CNTN6: variants seen among roughly 807,000 people sequenced by gnomAD.
CNTN6 encodes the protein contactin-6.
In CNTN6, 137 loss-of-function variants were observed where a neutral mutation model predicts 122.8. That is an observed-to-expected ratio of 1.12 (90% CI 0.97 to 1.29). The LOEUF is 1.29. Ranked by LOEUF, CNTN6 falls within the 50% of genes most tolerant of loss-of-function variation. The probability of loss-of-function intolerance (pLI) is 0.00; values close to 1 mark genes in which losing one functional copy is unlikely to be tolerated. For missense variants in CNTN6, 1,634 were observed against 1,223.4 expected (o/e 1.34, Z -5.01); for synonymous variants, 570 against 426.0 (o/e 1.34, Z -4.16).
intron 11 of CNTN6, among the ~76,000 whole-genome samples, chr3:1,343,893 G>A (rs1390565916): frequency 6.6e-6 from 1 of 152,080 alleles, no homozygotes; most frequent in Non-Finnish European, 1.5e-5. Flanking sequence ...AGAGTCCATG[G>A]TCTTATAATC....
chr3:1,245,907 G>C (rs2094576756), intron 4 of CNTN6, among the ~76,000 whole-genome samples: 1 of 150,602 alleles, frequency 6.6e-6, no homozygotes, highest in Admixed American at 6.7e-5. Flanking sequence ...ATTTTTAGCT[G>C]ATGAGCTAAA....
intron 12 of CNTN6, among the ~76,000 whole-genome samples, chr3:1,371,885 T>C (rs931572828): frequency 6.6e-6 from 1 of 152,184 alleles, no homozygotes. Flanking sequence ...ATGGTGGTCA[T>C]AATCTTAGAA....
At chr3:1,107,334 T>C (rs1040723328) in intron 1 of CNTN6, among the ~76,000 whole-genome samples, 6 of 152,140 alleles carry the variant, frequency 3.9e-5, no homozygotes, top group Admixed American at 3.3e-4. Context: ...CAAAATATGA[T>C]TGTTCATTTG....
chr3:1,252,944 A>C, intron 4 of CNTN6, among the ~76,000 whole-genome samples: 1 of 152,194 alleles, frequency 6.6e-6, no homozygotes, highest in South Asian at 2.1e-4. Context: ...TCCCTATTGA[A>C]AGAAGGTATA....
At chr3:1,330,486 C>G (rs1279187715) in intron 11 of CNTN6, among the ~76,000 whole-genome samples, 1 of 151,026 alleles carries the variant, frequency 6.6e-6, no homozygotes, top group East Asian at 2.0e-4. Context: ...AGAAAACAAA[C>G]AAACAAAAAA....
At chr3:1,385,881 A>G (rs778764214) in intron 20 of CNTN6, 84 bp downstream of exon 20, 3 of 1,290,732 alleles carry the variant, frequency 2.3e-6, no homozygotes, top group Non-Finnish European at 3.1e-6. Flanking sequence ...TCATTCCCAC[A>G]CCTCATTTCT....
chr3:1,382,935 G>A lies in CNTN6; in HGVS notation c.2167-7G>A, dbSNP rs781192540. On this transcript the variant is annotated splice_polypyrimidine_tract_variant and splice_region_variant and intron_variant, in intron 17 of 22. Transcript: ENST00000446702. ...AATACTCAGTGATTGATCACATTCT[G>A]CCCAAGTCAATTCCAGAAGAACTGC... 1 of 1,604,146 alleles carries A rather than the reference G, an allele frequency of 6.2e-7. No individual in the cohort carries two copies. The highest frequency in any genetic ancestry group is 1.1e-5 in the South Asian group (1 of 90,816).
Position 1,383,372 on chromosome 3 carries a change from C to T in CNTN6, c.2481C>T (p.Ala827=), listed in dbSNP as rs971469464. Residue 827 remains alanine, a synonymous_variant, in exon 19 of 23, where the codon GCC becomes GCT. Coordinates refer to ENST00000446702, the MANE Select transcript of CNTN6 (RefSeq NM_001289080.2). ...SEMEVSWNAI[A]WNRNTGRVLG... ...TGGAGGTTTCATGGAATGCTATTGC[C>T]TGGAATAGAAACACTGGAAGAGTGC... 3 of 1,613,878 alleles carry T rather than the reference C, an allele frequency of 1.9e-6. No individual in the cohort carries two copies. The highest frequency in any genetic ancestry group is 2.5e-6 in the Non-Finnish European group (3 of 1,179,814).
chr3:1,327,282 C>G (rs1701668384), intron 9 of CNTN6, among the ~76,000 whole-genome samples, 175 bp from the exon 10 acceptor site: 1 of 151,670 alleles, frequency 6.6e-6, no homozygotes, highest in Admixed American at 6.6e-5. Context: ...TAAAATTATC[C>G]TAAACATATT....
intron 1 of CNTN6, among the ~76,000 whole-genome samples, chr3:1,125,849 A>C (rs2092140318): frequency 6.6e-6 from 1 of 151,830 alleles, no homozygotes; most frequent in Non-Finnish European, 1.5e-5. Context: ...TTAGGAGAAA[A>C]GATTTGAGAC....
intron 12 of CNTN6, among the ~76,000 whole-genome samples, chr3:1,363,508 T>C (rs181323730): frequency 6.6e-6 from 1 of 152,076 alleles, no homozygotes; most frequent in African/African-American, 2.4e-5. Context: ...ATTTAGATCA[T>C]ACAGGATTTT....
chr3:1,093,341 C>T (rs189535866), intron 1 of CNTN6, among the ~76,000 whole-genome samples: 7 of 152,050 alleles, frequency 4.6e-5, no homozygotes, highest in Non-Finnish European at 2.9e-5. Context: ...ATCTGTATTC[C>T]GGGAGGTTAG....
intron 12 of CNTN6, 51 bp from the exon 13 acceptor site, chr3:1,372,248 C>T (rs1185817360): frequency 1.4e-6 from 2 of 1,407,086 alleles, no homozygotes; most frequent in Admixed American, 4.3e-5. Flanking sequence ...TATTTTATAA[C>T]CATAGGCTAG....
intron 2 of CNTN6, among the ~76,000 whole-genome samples, chr3:1,205,824 A>G (rs2093950351): frequency 1.3e-5 from 2 of 152,218 alleles, no homozygotes; most frequent in Admixed American, 1.3e-4. Flanking sequence ...GATGCAGAAC[A>G]GGCTTACCAT....
At chr3:1,115,425 C>G (rs932419590) in intron 1 of CNTN6, among the ~76,000 whole-genome samples, 2 of 152,088 alleles carry the variant, frequency 1.3e-5, no homozygotes, top group Non-Finnish European at 2.9e-5. Context: ...GATTTTAAAG[C>G]CTTTTTCAAT....
chr3:1,321,742 C>T lies in CNTN6; in HGVS notation c.854C>T (p.Pro285Leu), dbSNP rs1575693978. Residue 285 changes from proline (P) to leucine (L), a missense_variant, in exon 8 of 23, where the codon CCG (proline) becomes CTG (leucine). Physicochemically the swap from Pro to Leu is moderately conservative, Grantham distance 98. Transcript: ENST00000446702. ...YSKSQAILEI[P>L]NFQQEDEGFY... ...AAATCCCAAGCTATCCTTGAAATCC[C>T]GAACTTCCAACAAGAAGATGAAGGC... 7 of 1,611,718 alleles carry T rather than the reference C, an allele frequency of 4.3e-6. No individual in the cohort carries two copies. The highest frequency in any genetic ancestry group is 1.3e-5 in the African/African-American group (1 of 74,648).
At chr3:1,220,558 T>C (rs905986840) in intron 2 of CNTN6, 129 bp from the exon 3 acceptor site, 3 of 841,080 alleles carry the variant, frequency 3.6e-6, no homozygotes, top group Non-Finnish European at 5.0e-6. Context: ...TGTAATACTT[T>C]TTGTGAATTT....
intron 1 of CNTN6, among the ~76,000 whole-genome samples, chr3:1,126,311 A>G (rs550616535): frequency 1.3e-5 from 2 of 152,034 alleles, no homozygotes; most frequent in South Asian, 2.1e-4. Context: ...GTTTATTAAA[A>G]TAAATATGAT....
intron 4 of CNTN6, among the ~76,000 whole-genome samples, chr3:1,278,022 T>C (rs6805243): frequency 0.46 from 70,178 of 152,086 alleles, 17,677 homozygotes; most frequent in Non-Finnish European, 0.58. Context: ...AGTCACACTT[T>C]AAAATGGCAA....
Sources: gnomAD v4.1 joint callset for allele counts (sites outside exome capture counted in the v4.1 genomes callset) on GRCh38, gnomAD v4.1.1 for gene constraint, MANE v1.5 for transcripts, NCBI Gene and HGNC (gene_info 2026-07-23, HGNC 2026-07-21) for gene names.